MKI67: variants seen among roughly 807,000 people sequenced by gnomAD.
MKI67 encodes proliferation marker protein Ki-67.
MKI67 carries 152 observed loss-of-function variants against 233.5 expected under a neutral mutation model. The observed-to-expected ratio is 0.65, with a 90% CI of 0.57 to 0.74. The LOEUF (loss-of-function observed/expected upper bound fraction) is 0.74, where lower values mean the gene tolerates loss of function less well. MKI67 is among the 30% of genes least tolerant of loss of function. The pLI is 0.00. For synonymous variants in MKI67, 1,465 were observed against 1,418.5 expected, an observed-to-expected ratio of 1.03 and a Z score of -0.74; for missense variants, 3,940 against 3,885.2, an observed-to-expected ratio of 1.01 and a Z score of -0.37.
chr10:128,115,002 G>A lies in MKI67; in HGVS notation c.1406C>T (p.Thr469Ile), dbSNP rs754331265. Residue 469 changes from threonine (T) to isoleucine (I), a missense_variant, in exon 7 of 15, where the codon ACT (threonine) becomes ATT (isoleucine). Coordinates refer to ENST00000368654, the MANE Select transcript of MKI67 (RefSeq NM_002417.5). ...CCCAGAGCACATCTGTCCAGCTGTAGTGCCCAATTTCTCAGGCTTGCTGAG... is the reference window on the plus strand; with the variant it reads ...CCCAGAGCACATCTGTCCAGCTGTAATGCCCAATTTCTCAGGCTTGCTGAG... ...DSLSKPEKLG[T>I]TAGQMCSGLP... 1.2e-6 allele frequency: 2 copies of A among 1,610,350 alleles called. No individual in the cohort carries two copies. The highest frequency in any genetic ancestry group is 1.7e-6 in the Non-Finnish European group (2 of 1,176,646).
chr10:128,099,108 C>T lies in MKI67; in HGVS notation c.*82G>A. On this transcript the variant is annotated 3_prime_UTR_variant, in exon 15 of 15. Coordinates refer to ENST00000368654, the MANE Select transcript of MKI67 (RefSeq NM_002417.5). ...GACTGACAGCCTTACTTACAGAATT[C>T]ACTTGTAATTTATGACAAAAACTGC... is the stretch of plus-strand genomic sequence containing the variant. 2 of 1,094,544 alleles carry T rather than the reference C, an allele frequency of 1.8e-6. No individual in the cohort carries two copies. The highest frequency in any genetic ancestry group is 4.3e-5 in the Admixed American group (2 of 46,752). 67.8% of individuals were successfully genotyped at this position (1,094,544 alleles called of 1,614,324 possible).
intron 4 of MKI67, 55 bp downstream of exon 4, chr10:128,122,826 T>G (rs1166378001): frequency 3.4e-6 from 3 of 873,728 alleles, no homozygotes; most frequent in Non-Finnish European, 5.3e-6. Context: ...TTGACACTAG[T>G]TTATGGTTAA....
chr10:128,113,717 C>T (rs1852732110), intron 7 of MKI67, 115 bp from the exon 8 acceptor site: 2 of 865,908 alleles, frequency 2.3e-6, no homozygotes, highest in East Asian at 2.6e-5. Flanking sequence ...AAACACAGTA[C>T]CTACAGCACG....
At chr10:128,102,446 G>A in intron 13 of MKI67, 133 bp downstream of exon 13, 2 of 1,076,452 alleles carry the variant, frequency 1.9e-6, no homozygotes, top group Non-Finnish European at 1.3e-6. Flanking sequence ...ATGGCCTGCA[G>A]TTATTCAGTG....
At position 128,107,362 on chromosome 10, in the gene MKI67, G is replaced by T. The variant is rs61729206; in HGVS notation, c.4478C>A (p.Ala1493Asp). 3,179 of 1,613,498 alleles carry T rather than the reference G, an allele frequency of 2.0e-3. 43 individuals carry two copies. The African/African-American group carries it at 0.035, about 18-fold the overall frequency. ...PTTHEKTTKI[A>D]CRSQPDPVDT... ...CACTGGGTCTGGTTGTGATCTGCAG[G>T]CTATTTTGGTAGTTTTCTCGTGAGT... Residue 1493 changes from alanine (A) to aspartate (D), a missense_variant, in exon 13 of 15, where the codon GCC becomes GAC. Ala to Asp is a moderately radical substitution (Grantham distance 126, BLOSUM62 -2). Coordinates refer to ENST00000368654, the MANE Select transcript of MKI67 (RefSeq NM_002417.5).
In MKI67 at chr10:128,099,175, A is replaced by T. The variant is rs1355985887; in HGVS notation, c.*15T>A. 6.3e-7 allele frequency: 1 copy of T among 1,594,992 alleles called. No individual in the cohort carries two copies. The highest frequency in any genetic ancestry group is 1.1e-5 in the South Asian group (1 of 88,590). The stretch of plus-strand genomic sequence containing the variant: ...AAACTAACTTTATTATATTTTTCCC[A>T]GTTCGATTTTTCTGTCAAATATCTT... On this transcript the variant is annotated 3_prime_UTR_variant, in exon 15 of 15. Coordinates refer to ENST00000368654, the MANE Select transcript of MKI67 (RefSeq NM_002417.5).
rs766720541 is a variant in MKI67 at position 128,116,502 on chromosome 10, G to A, written c.389C>T (p.Ser130Phe). ...PARRVSRSSF[S>F]SDPDEKAQDS... Reference sequence around the variant, plus strand: ...CAACCACTACTCACCAGGGTCAGAAGAGAAGCTAGATCTTGAGACACGACG... The same window carrying A: ...CAACCACTACTCACCAGGGTCAGAAAAGAAGCTAGATCTTGAGACACGACG... The change falls in exon 6 of 15, where the codon TCT (serine) becomes TTT (phenylalanine). Residue 130 changes from serine (S) to phenylalanine (F), a missense_variant. Physicochemically the swap from Ser to Phe is radical, Grantham distance 155. Transcript: ENST00000368654. The A allele has an allele frequency of 8.1e-6, 13 of 1,613,992 alleles. No homozygotes were observed. In the Admixed American group the frequency reaches 1.8e-4, roughly 23 times the overall value.
At chr10:128,120,823 G>A (rs540445197) in intron 4 of MKI67, among the ~76,000 whole-genome samples, 8 of 152,066 alleles carry the variant, frequency 5.3e-5, no homozygotes, top group Non-Finnish European at 1.2e-4. Context: ...AGGGGAACTG[G>A]AGTACTGTAC....
rs748238041 is a variant in MKI67, at chr10:128,102,845, C to T, written c.8995G>A (p.Gly2999Arg). The change falls in exon 13 of 15, where the codon GGA (glycine) becomes AGA (arginine). Residue 2999 changes from glycine (G) to arginine (R), a missense_variant. Coordinates refer to ENST00000368654, the MANE Select transcript of MKI67 (RefSeq NM_002417.5). ...GTGACGCTTCCATCTTTGCCACCTC[C>T]CCTCTTGAAGGGCAGTGGGGGCAGG... ...TSLPPLPFKR[G>R]GGKDGSVTGT... is the part of the protein sequence containing the mutation. 6.8e-6 allele frequency: 11 copies of T among 1,614,184 alleles called. No homozygotes were observed. Among genetic ancestry groups the T allele is most frequent in the South Asian group, 1.1e-5 (1 of 91,084 alleles).
At position 128,115,842 on chromosome 10, in the gene MKI67, C is replaced by T; in HGVS notation, c.566G>A (p.Gly189Glu). 2.5e-6 allele frequency: 4 copies of T among 1,608,970 alleles called. No individual in the cohort carries two copies. Among genetic ancestry groups the T allele is most frequent in the Non-Finnish European group, 3.4e-6 (4 of 1,179,994 alleles). The change falls in exon 7 of 15, where the codon GGA (glycine) becomes GAA (glutamate). Residue 189 changes from glycine (G) to glutamate (E), a missense_variant. Coordinates refer to ENST00000368654, the MANE Select transcript of MKI67 (RefSeq NM_002417.5). ...TTNVHSSEHA[G>E]RNGRNAADPI... ...ATCAGCTGCATTTCTGCCATTACGT[C>T]CAGCATGTTCTGAGGAATGAACATT...
chr10:128,120,590 C>T (rs1490065599), intron 4 of MKI67, among the ~76,000 whole-genome samples: 1 of 152,066 alleles, frequency 6.6e-6, no homozygotes, highest in African/African-American at 2.4e-5. Flanking sequence ...AAAATGAAGG[C>T]AAACTTCCCA....
At position 128,125,806 on chromosome 10, in the gene MKI67, C is replaced by A; in HGVS notation, c.-89-50G>T. The A allele has an allele frequency of 1.3e-6, 1 of 749,262 alleles. No individual in the cohort carries two copies. The highest frequency in any genetic ancestry group is 2.3e-6 in the Non-Finnish European group (1 of 431,490). The allele number at this position is 749,262 out of a possible 1,614,324, so 46.4% of individuals were successfully genotyped here. A position where few individuals can be genotyped will look rare whatever the true frequency, so the allele number is the denominator to read the frequency against. On this transcript the variant is annotated intron_variant, in intron 1 of 14. Transcript: ENST00000368654. The surrounding 1 kb of genome is among the most constrained non-coding windows in gnomAD (Gnocchi z 5.3). ...TGATAGCAAAGGAGCTAAGAAGGGCCCCGTGCCCAATTCACCTATCCCCGG... is the reference window on the plus strand; with the variant it reads ...TGATAGCAAAGGAGCTAAGAAGGGCACCGTGCCCAATTCACCTATCCCCGG...
rs118007980 is a variant in MKI67 at position 128,113,289 on chromosome 10, G to A, written c.1656+138C>T. ...TGCCCACATCAATGAGCTTTCATTC[G>A]TCTTTTTAAAAACTTGTTTCTTTAA... On this transcript the variant is annotated intron_variant, in intron 8 of 14. Coordinates refer to ENST00000368654, the MANE Select transcript of MKI67 (RefSeq NM_002417.5). 251 of 1,056,564 alleles carry A rather than the reference G, an allele frequency of 2.4e-4. 1 individual carries two copies. In the East Asian group the frequency reaches 4.7e-3, roughly 20 times the overall value. 65.4% of individuals were successfully genotyped at this position (1,056,564 alleles called of 1,614,324 possible). A position where few individuals can be genotyped will look rare whatever the true frequency, so the allele number is the denominator to read the frequency against.
At position 128,103,538 on chromosome 10, in the gene MKI67, C is replaced by T. The variant is rs537862358; in HGVS notation, c.8302G>A (p.Glu2768Lys). ...GGAGCCGGTGTCTGTTTTGCAGATT[C>T]CTTCAATGCTTTGATGCCTTTATCT... The part of the protein sequence containing the change: ...GEDKGIKALK[E>K]SAKQTPAPAA... The change falls in exon 13 of 15, where the codon GAA becomes AAA. Residue 2768 changes from glutamate (E) to lysine (K), a missense_variant. Coordinates refer to ENST00000368654, the MANE Select transcript of MKI67 (RefSeq NM_002417.5). 6.2e-7 allele frequency: 1 copy of T among 1,613,428 alleles called. No homozygotes were observed. The highest frequency in any genetic ancestry group is 1.7e-5 in the Admixed American group (1 of 59,968).
rs749193202 is a variant in MKI67 at position 128,108,599 on chromosome 10, G to A, written c.3241C>T (p.Arg1081Cys). ...GGCCACTTCTTCATTCCAGTTACAC[G>A]GGCTGCTGGGTCCAGGATCTGCTTT... Reference protein sequence around the residue: ...SPKQILDPAARVTGMKKWPRT... With the variant: ...SPKQILDPAACVTGMKKWPRT... Residue 1081 changes from arginine (R) to cysteine (C), a missense_variant, in exon 13 of 15, where the codon CGT becomes TGT. By Grantham distance (180) the Arg-to-Cys change is radical (BLOSUM62 -3). Coordinates refer to ENST00000368654, the MANE Select transcript of MKI67 (RefSeq NM_002417.5). The A allele has an allele frequency of 6.8e-6, 11 of 1,613,964 alleles. No homozygotes were observed. The highest frequency in any genetic ancestry group is 6.7e-5 in the African/African-American group (5 of 74,870).
Position 128,125,614 on chromosome 10 carries a change from G to C in MKI67, c.54C>G (p.Pro18=). 1.2e-6 allele frequency: 2 copies of C among 1,613,614 alleles called. No individual in the cohort carries two copies. Among genetic ancestry groups the C allele is most frequent in the Non-Finnish European group, 1.7e-6 (2 of 1,179,836 alleles). ...AGGTGCTGAGGCTCAGGGGAAAGTG[G>C]GGACCGTCGACCCCGCTCCTTTTGA... ...VTIKRSGVDG[P]HFPLSLSTCL... Residue 18 remains proline (P), a synonymous_variant, in exon 2 of 15, where the codon CCC becomes CCG. Transcript: ENST00000368654. This position sits in a 1 kb window ranked among gnomAD's most constrained non-coding sequence, Gnocchi z 5.3.
rs11016072 is a variant in MKI67, at chr10:128,103,306, C to T, written c.8534G>A (p.Arg2845His). ...ATSSKRRPRT[R>H]AQKVEVKEEL... is the part of the protein sequence containing the mutation. Reference sequence around the variant, plus strand: ...CTCCTTCACTTCTACTTTCTGGGCACGTGTCCTGGGCCGTCTCTTTGAGCT... The same window carrying T: ...CTCCTTCACTTCTACTTTCTGGGCATGTGTCCTGGGCCGTCTCTTTGAGCT... The change falls in exon 13 of 15, where the codon CGT becomes CAT. Residue 2845 changes from arginine to histidine, a missense_variant. Transcript: ENST00000368654. 0.034 allele frequency: 54,472 copies of T among 1,614,076 alleles called. 1,853 individuals are homozygous for T. Among genetic ancestry groups the T allele is most frequent in the African/African-American group, 0.16 (12,227 of 74,990 alleles).
chr10:128,109,419 T>A lies in MKI67; in HGVS notation c.2421A>T (p.Gly807=). The change falls in exon 13 of 15, where the codon GGA becomes GGT. Residue 807 remains glycine (G), a synonymous_variant. Transcript: ENST00000368654. ...PLLPTSESFG[G]NVFFSAQNAA... ...CATTCTGTGCACTGAAGAACACATT[T>A]CCTCCTGAAATAAAAACATACACAA... 1.2e-6 allele frequency: 2 copies of A among 1,603,720 alleles called. No individual in the cohort carries two copies. Among genetic ancestry groups the A allele is most frequent in the Non-Finnish European group, 1.7e-6 (2 of 1,174,112 alleles).
Position 128,108,046 on chromosome 10 carries a change from G to A in MKI67, c.3794C>T (p.Thr1265Ile). 6.2e-7 allele frequency: 1 copy of A among 1,613,880 alleles called. No individual in the cohort carries two copies. The highest frequency in any genetic ancestry group is 8.5e-7 in the Non-Finnish European group (1 of 1,180,024). ...GATACTTCTCTTGGGTCGTTGCTTT[G>A]TGCTTGTTGGGGTGTCCACTGGGTC... ...QSDPVDTPTS[T>I]KQRPKRSIRK... Residue 1265 changes from threonine to isoleucine, a missense_variant, in exon 13 of 15, where the codon ACA becomes ATA. Transcript: ENST00000368654.
Sources: allele counts gnomAD v4.1 joint callset (sites outside exome capture counted in the v4.1 genomes callset), GRCh38; gene constraint gnomAD v4.1.1; non-coding constraint Gnocchi (gnomAD v3.1); transcripts MANE v1.5; gene names NCBI Gene and HGNC (gene_info 2026-07-23, HGNC 2026-07-21).